SNX29: variants seen among roughly 807,000 people sequenced by gnomAD.
SNX29 encodes sorting nexin 29.
A neutral mutation model predicts 102.1 loss-of-function variants in SNX29; 78 were observed. That is an observed-to-expected ratio of 0.76 (90% confidence interval 0.64 to 0.92). The LOEUF (loss-of-function observed/expected upper bound fraction) is 0.92, where lower values mean the gene tolerates loss of function less well. SNX29 is among the 40% of genes least tolerant of loss of function. The probability of loss-of-function intolerance (pLI) is 0.00; values close to 1 mark genes in which losing one functional copy is unlikely to be tolerated. For missense variants in SNX29, 1,280 were observed against 1,061.7 expected (o/e 1.21, Z -2.86); for synonymous variants, 580 against 414.5 (o/e 1.40, Z -4.85).
chr16:12,145,563 A>C (rs928325877), intron 13 of SNX29, among the ~76,000 whole-genome samples: 2 of 152,188 alleles, frequency 1.3e-5, no homozygotes, highest in Admixed American at 1.3e-4. Context: ...ATACCAGAAA[A>C]GTTTAAAGAG....
At chr16:12,515,740 T>A in intron 19 of SNX29, 1 of 408,678 alleles carries the variant, frequency 2.4e-6, no homozygotes, top group East Asian at 5.6e-5. Context: ...AGGGGTCACA[T>A]CTGTTTGCCA....
At chr16:12,006,504 G>A (rs778203572) in intron 3 of SNX29, among the ~76,000 whole-genome samples, 1 of 135,880 alleles carries the variant, frequency 7.4e-6, no homozygotes, top group Non-Finnish European at 1.5e-5. Flanking sequence ...CAACAAGAGC[G>A]ATACTGTCTC....
chr16:12,491,264 G>A (rs922176858), intron 19 of SNX29, among the ~76,000 whole-genome samples: 2 of 152,098 alleles, frequency 1.3e-5, no homozygotes, highest in East Asian at 1.9e-4. Context: ...TTTGAGACTC[G>A]GTTTCTCTAG....
chr16:12,124,006 T>C (rs1385327370), intron 11 of SNX29, among the ~76,000 whole-genome samples: 1 of 152,170 alleles, frequency 6.6e-6, no homozygotes, highest in Non-Finnish European at 1.5e-5. Flanking sequence ...TATCATTTGC[T>C]GGGATCTCAA....
intron 10 of SNX29, among the ~76,000 whole-genome samples, chr16:12,077,039 C>A (rs1055204475): frequency 1.3e-5 from 2 of 152,038 alleles, no homozygotes; most frequent in African/African-American, 2.4e-5. Context: ...TTTGGGAGGC[C>A]AAGGTGGGAG....
intron 16 of SNX29, among the ~76,000 whole-genome samples, chr16:12,386,131 C>G (rs2083333352): frequency 1.3e-5 from 2 of 152,230 alleles, no homozygotes; most frequent in East Asian, 1.9e-4. Flanking sequence ...CCCTCAGGCT[C>G]TCTGAGCCAG....
intron 20 of SNX29, among the ~76,000 whole-genome samples, chr16:12,546,077 C>A (rs1419252958): frequency 6.6e-6 from 1 of 152,100 alleles, no homozygotes; most frequent in African/African-American, 2.4e-5. Flanking sequence ...GGTTTGAGTC[C>A]CCAGTCTCTC....
chr16:12,221,453 A>G (rs1335840340), intron 14 of SNX29, among the ~76,000 whole-genome samples: 1 of 152,154 alleles, frequency 6.6e-6, no homozygotes, highest in Non-Finnish European at 1.5e-5. Flanking sequence ...CATCTCTACT[A>G]AAAATACAAA....
At chr16:12,192,450 C>T (rs2076666453) in intron 13 of SNX29, among the ~76,000 whole-genome samples, 1 of 152,156 alleles carries the variant, frequency 6.6e-6, no homozygotes, top group South Asian at 2.1e-4. Context: ...CTGTTTCCAC[C>T]CCTCATTCCA....
chr16:12,085,114 C>T (rs1206771337), intron 11 of SNX29, among the ~76,000 whole-genome samples: 1 of 152,030 alleles, frequency 6.6e-6, no homozygotes, highest in Admixed American at 6.6e-5. Context: ...CAGTGAGTGT[C>T]TTCTGTCCCC....
intron 4 of SNX29, among the ~76,000 whole-genome samples, chr16:12,033,816 A>T (rs1007808723): frequency 6.6e-6 from 1 of 152,086 alleles, no homozygotes; most frequent in Admixed American, 6.6e-5. Flanking sequence ...CATATTGGGC[A>T]GGCTGGTCTC....
At chr16:12,129,115 C>T (rs1420204661) in intron 12 of SNX29, among the ~76,000 whole-genome samples, 1 of 152,224 alleles carries the variant, frequency 6.6e-6, no homozygotes, top group Non-Finnish European at 1.5e-5. Context: ...GGCAATGAAA[C>T]AGGCTCATAG....
At chr16:12,199,710 G>T in intron 14 of SNX29, 27 bp downstream of exon 14, 1 of 1,599,076 alleles carries the variant, frequency 6.3e-7, no homozygotes. Context: ...GCCCGGGTTG[G>T]GAGGGGCCGG....
chr16:12,570,329 GTC>G lies in SNX29; in HGVS notation c.*1703_*1704del. On this transcript the variant is annotated 3_prime_UTR_variant, in exon 21 of 21. Coordinates refer to ENST00000566228, the MANE Select transcript of SNX29 (RefSeq NM_032167.5). Reference sequence around the variant, plus strand: ...CGAGACATCCTGTAAAGGCAACTTGGTCTCCCTCCCACTCACCTGCCAACATT... The same window carrying G: ...CGAGACATCCTGTAAAGGCAACTTGGTCCCTCCCACTCACCTGCCAACATT... 1 of 872,974 alleles carries G rather than the reference GTC, an allele frequency of 1.1e-6. No individual in the cohort carries two copies. Among genetic ancestry groups the G allele is most frequent in the Non-Finnish European group, 1.4e-6 (1 of 703,926 alleles). The allele number at this position is 872,974 out of a possible 1,614,324, so 54.1% of individuals were successfully genotyped here.
rs2079126761 is a variant in SNX29, at chr16:12,569,014, A to G, written c.*385A>G. 1 of 254,992 alleles carries G rather than the reference A, an allele frequency of 3.9e-6. No individual in the cohort carries two copies. Among genetic ancestry groups the G allele is most frequent in the Non-Finnish European group, 7.5e-6 (1 of 133,596 alleles). 15.8% of individuals were successfully genotyped at this position (254,992 alleles called of 1,614,324 possible). On this transcript the variant is annotated 3_prime_UTR_variant, in exon 21 of 21. Transcript: ENST00000566228. ...ATCCCCTATATAGGAAGGTTCATGC[A>G]GAGCCAGCCTCTCCACTCTTTCCCA... is the stretch of plus-strand genomic sequence containing the variant.
rs143870395 is a variant in SNX29, at chr16:12,322,658, G to C, written c.1783-33505G>C. ...CTGTGCTGGAGACCTCTATTAGGATGCAGTCACTGGGGACTACCATTAGGA... is the reference window on the plus strand; with the variant it reads ...CTGTGCTGGAGACCTCTATTAGGATCCAGTCACTGGGGACTACCATTAGGA... On this transcript the variant is annotated intron_variant, in intron 15 of 20. Coordinates refer to ENST00000566228, the MANE Select transcript of SNX29 (RefSeq NM_032167.5). 2.6e-3 allele frequency among the ~76,000 whole-genome samples: 398 copies of C among 152,270 alleles called. 3 individuals carry two copies. The highest frequency in any genetic ancestry group is 8.9e-3 in the African/African-American group (372 of 41,570).
chr16:12,386,333 T>C (rs1229706376), intron 16 of SNX29, among the ~76,000 whole-genome samples: 1 of 152,232 alleles, frequency 6.6e-6, no homozygotes, highest in Non-Finnish European at 1.5e-5. Context: ...TTATGCAAAT[T>C]ATCTCATTGA....
chr16:12,559,270 T>C (rs527594824), intron 20 of SNX29, among the ~76,000 whole-genome samples: 13 of 152,198 alleles, frequency 8.5e-5, no homozygotes, highest in African/African-American at 2.6e-4. Flanking sequence ...GCCTGTCAGA[T>C]CAGCAGCAGC....
At position 12,570,354 on chromosome 16, in the gene SNX29, A is replaced by G. The variant is rs2079160941; in HGVS notation, c.*1725A>G. The stretch of plus-strand genomic sequence containing the variant: ...GTCTCCCTCCCACTCACCTGCCAAC[A>G]TTGCTGCAATACACATGGTTTATCT... On this transcript the variant is annotated 3_prime_UTR_variant, in exon 21 of 21. Coordinates refer to ENST00000566228, the MANE Select transcript of SNX29 (RefSeq NM_032167.5). The G allele has an allele frequency of 1.9e-6, 1 of 533,398 alleles. No individual in the cohort carries two copies. 33.0% of individuals were successfully genotyped at this position (533,398 alleles called of 1,614,324 possible).
Sources: gnomAD v4.1 joint callset for allele counts (sites outside exome capture counted in the v4.1 genomes callset) on GRCh38, gnomAD v4.1.1 for gene constraint, MANE v1.5 for transcripts, NCBI Gene and HGNC (gene_info 2026-07-23, HGNC 2026-07-21) for gene names.